NEK11: variants seen among roughly 807,000 people sequenced by gnomAD.
NEK11 encodes NIMA related kinase 11, also known as serine/threonine-protein kinase Nek11.
NEK11 carries 72 observed loss-of-function variants against 80.7 expected under a neutral mutation model. The ratio of observed to expected loss-of-function variants is 0.89; its 90% CI spans 0.74 to 1.08. The LOEUF (loss-of-function observed/expected upper bound fraction) is 1.08. Among genes scored for constraint, NEK11 ranks in the 50% least tolerant of loss-of-function variants. NEK11 has a pLI of 0.00. For synonymous variants in NEK11, 251 were observed against 260.7 expected (o/e 0.96, Z 0.36); for missense variants, 764 against 763.6 (o/e 1.00, Z -0.01).
At chr3:131,262,255 T>A (rs561179081) in intron 16 of NEK11, among the ~76,000 whole-genome samples, 20 of 152,076 alleles carry the variant, frequency 1.3e-4, no homozygotes, top group Admixed American at 3.9e-4. Flanking sequence ...AATACAGGGA[T>A]GTGCACCTGT....
intron 14 of NEK11, among the ~76,000 whole-genome samples, chr3:131,203,269 G>T (rs575837933): frequency 2.0e-5 from 3 of 152,128 alleles, no homozygotes; most frequent in Admixed American, 6.5e-5. Flanking sequence ...ATGAGTTCAT[G>T]TCCTTTGTAG....
intron 17 of NEK11, among the ~76,000 whole-genome samples, chr3:131,290,426 A>C (rs1392935314): frequency 1.3e-5 from 2 of 152,224 alleles, no homozygotes; most frequent in Non-Finnish European, 2.9e-5. Context: ...CAATGTTCTG[A>C]TCTCAAGAAA....
intron 16 of NEK11, among the ~76,000 whole-genome samples, chr3:131,267,074 A>G (rs1190699032): frequency 6.6e-6 from 1 of 152,006 alleles, no homozygotes; most frequent in African/African-American, 2.4e-5. Flanking sequence ...TTTTGAGCCT[A>G]TGTGTGTCTC....
chr3:131,231,400 A>G (rs1263183270), intron 15 of NEK11, among the ~76,000 whole-genome samples: 2 of 148,696 alleles, frequency 1.3e-5, no homozygotes, highest in African/African-American at 4.9e-5. Flanking sequence ...TGTTTTTGCT[A>G]CTATAGAATA....
intron 5 of NEK11, among the ~76,000 whole-genome samples, chr3:131,113,381 A>T (rs558622257): frequency 2.0e-5 from 3 of 152,252 alleles, no homozygotes; most frequent in African/African-American, 7.2e-5. Context: ...TTGGGTTCCT[A>T]CAATATCAGA....
chr3:131,169,020 C>A (rs1018396167), intron 13 of NEK11, 83 bp downstream of exon 13: 2 of 1,037,640 alleles, frequency 1.9e-6, no homozygotes, highest in South Asian at 1.5e-5. Context: ...AAATGGGAAG[C>A]CGAACACTTT....
At chr3:131,057,072 G>A (rs1212961474) in intron 3 of NEK11, among the ~76,000 whole-genome samples, 34 of 122,548 alleles carry the variant, frequency 2.8e-4, no homozygotes, top group Non-Finnish European at 1.9e-4. Flanking sequence ...AGAGTGTGAT[G>A]TTCCCCTTCC....
intron 2 of NEK11, among the ~76,000 whole-genome samples, chr3:131,029,243 T>A (rs777145794): frequency 1.3e-5 from 2 of 152,252 alleles, no homozygotes; most frequent in Non-Finnish European, 2.9e-5. Flanking sequence ...AAAAGGTTGA[T>A]GCAGATGTAT....
chr3:131,225,562 A>G (rs922561942), intron 14 of NEK11, among the ~76,000 whole-genome samples: 1 of 152,242 alleles, frequency 6.6e-6, no homozygotes, highest in African/African-American at 2.4e-5. Flanking sequence ...GAATATTATC[A>G]TCTTTATTTT....
intron 17 of NEK11, chr3:131,325,702 C>G (rs1413581983): frequency 6.6e-6 from 1 of 152,170 alleles, no homozygotes; most frequent in East Asian, 1.9e-4. Context: ...TTGAAATCTT[C>G]TTACTACCTG....
At chr3:131,036,445 A>G (rs781251242) in intron 3 of NEK11, among the ~76,000 whole-genome samples, 4 of 152,254 alleles carry the variant, frequency 2.6e-5, no homozygotes, top group Non-Finnish European at 5.9e-5. Flanking sequence ...CAGGTGATTC[A>G]TATGTGTCAC....
intron 16 of NEK11, among the ~76,000 whole-genome samples, chr3:131,267,970 C>A (rs1368733097): frequency 6.6e-6 from 1 of 152,074 alleles, no homozygotes; most frequent in African/African-American, 2.4e-5. Context: ...TTTATTCATT[C>A]CTTTTCATTC....
chr3:131,205,104 C>T (rs1261619632), intron 14 of NEK11, among the ~76,000 whole-genome samples: 1 of 152,146 alleles, frequency 6.6e-6, no homozygotes, highest in Non-Finnish European at 1.5e-5. Flanking sequence ...GGAAACTAAC[C>T]TCTGTATGGC....
At chr3:131,039,086 T>C (rs2066061332) in intron 3 of NEK11, among the ~76,000 whole-genome samples, 1 of 152,244 alleles carries the variant, frequency 6.6e-6, no homozygotes, top group South Asian at 2.1e-4. Flanking sequence ...TATTAAGTTA[T>C]TGTATCTCAT....
In NEK11 at chr3:131,226,764, A is replaced by G. The variant is rs182506139; in HGVS notation, c.1400-1764A>G. Among the ~76,000 whole-genome samples, 309 of 152,166 alleles carry G rather than the reference A, an allele frequency of 2.0e-3. 2 individuals are homozygous for G. Among genetic ancestry groups the G allele is most frequent in the African/African-American group, 7.2e-3 (300 of 41,520 alleles). ...CTCGGTGAGGGTGCACTAAAATCTC[A>G]GACTTCACCACTACAAAAGTCACCC... On this transcript the variant is annotated intron_variant, in intron 14 of 17. Coordinates refer to ENST00000383366, the MANE Select transcript of NEK11 (RefSeq NM_024800.5).
At chr3:131,336,267 G>C (rs993747271) in intron 17 of NEK11, among the ~76,000 whole-genome samples, 21 of 152,166 alleles carry the variant, frequency 1.4e-4, no homozygotes, top group African/African-American at 5.1e-4. Context: ...GTACCAAACA[G>C]AGATATAGAT....
chr3:131,236,964 T>A (rs2095440620), intron 15 of NEK11, among the ~76,000 whole-genome samples: 1 of 152,218 alleles, frequency 6.6e-6, no homozygotes, highest in Admixed American at 6.5e-5. Flanking sequence ...TTGGTTTCTG[T>A]AACTTAGTGA....
At chr3:131,037,742 TTCTG>T (rs776659628) in intron 3 of NEK11, among the ~76,000 whole-genome samples, 30 of 152,352 alleles carry the variant, frequency 2.0e-4, no homozygotes, top group Non-Finnish European at 4.0e-4. Context: ...TTATGGATAT[TTCTG>T]TCTGATTTAT....
At chr3:131,138,490 C>T (rs1019608922) in intron 7 of NEK11, among the ~76,000 whole-genome samples, 4 of 152,178 alleles carry the variant, frequency 2.6e-5, no homozygotes, top group Non-Finnish European at 5.9e-5. Context: ...AAACTCACAC[C>T]TCTCAAGGGA....
Sources: allele counts gnomAD v4.1 joint callset (sites outside exome capture counted in the v4.1 genomes callset), GRCh38; gene constraint gnomAD v4.1.1; transcripts MANE v1.5; gene names NCBI Gene and HGNC (gene_info 2026-07-23, HGNC 2026-07-21).